Variants in AGBL1 observed in about 807,000 individuals in gnomAD.
AGBL1 encodes the protein AGBL carboxypeptidase 1.
AGBL1 carries 130 observed loss-of-function variants against 118.9 expected under a neutral mutation model. The ratio of observed to expected loss-of-function variants is 1.09; its 90% CI spans 0.95 to 1.26. AGBL1 has a LOEUF of 1.26. Among genes scored for constraint, AGBL1 ranks in the 50% most tolerant of loss-of-function variants. The probability of loss-of-function intolerance (pLI) is 0.00; values close to 1 mark genes in which losing one functional copy is unlikely to be tolerated. For missense variants in AGBL1, 1,584 were observed against 1,298.1 expected (o/e 1.22, Z -3.38); for synonymous variants, 555 against 478.9 (o/e 1.16, Z -2.08).
chr15:86,297,525 C>T (rs2079664828), intron 17 of AGBL1, among the ~76,000 whole-genome samples: 1 of 152,224 alleles, frequency 6.6e-6, no homozygotes, highest in Non-Finnish European at 1.5e-5. Flanking sequence ...CTGCAAATTA[C>T]ATAGCTGGTC....
At chr15:86,813,114 G>A (rs1228824176) in intron 22 of AGBL1, among the ~76,000 whole-genome samples, 1 of 152,062 alleles carries the variant, frequency 6.6e-6, no homozygotes, top group Non-Finnish European at 1.5e-5. Context: ...GGGAAGATGA[G>A]GGAGTGCGTA....
chr15:86,751,904 G>T (rs1032715584), intron 22 of AGBL1, among the ~76,000 whole-genome samples: 4 of 152,004 alleles, frequency 2.6e-5, no homozygotes, highest in Non-Finnish European at 4.4e-5. Flanking sequence ...TTAATCACAG[G>T]TCCCAGAATT....
Position 86,910,545 on chromosome 15 carries a change from G to A in AGBL1, c.*3251G>A, listed in dbSNP as rs1329666952. The A allele has an allele frequency of 6.6e-6, 1 of 152,202 alleles. No individual in the cohort carries two copies. Among genetic ancestry groups the A allele is most frequent in the Non-Finnish European group, 1.5e-5 (1 of 68,050 alleles). 9.4% of individuals were successfully genotyped at this position (152,202 alleles called of 1,614,324 possible). ...GCTGAGGGTTTGGTGCTCCTGCTAT[G>A]CTGGTTGTTCAGTAGTTTGAGGAGT... is the stretch of plus-strand genomic sequence containing the variant. On this transcript the variant is annotated 3_prime_UTR_variant, in exon 23 of 23. Transcript: ENST00000614907.
intron 5 of AGBL1, among the ~76,000 whole-genome samples, chr15:86,208,168 G>A (rs538367171): frequency 2.6e-5 from 4 of 152,180 alleles, no homozygotes; most frequent in Non-Finnish European, 4.4e-5. Context: ...CAGGAATGAA[G>A]CCTACTTGAT....
intron 22 of AGBL1, among the ~76,000 whole-genome samples, chr15:86,769,176 G>GGA (rs545514274): frequency 1.5e-5 from 1 of 66,618 alleles, no homozygotes; most frequent in Admixed American, 1.5e-4. Context: ...ATTTTGAGAG[G>GGA]GAGAGAGAGA....
chr15:86,539,828 G>T (rs961157666), intron 19 of AGBL1, among the ~76,000 whole-genome samples: 2 of 152,196 alleles, frequency 1.3e-5, no homozygotes, highest in African/African-American at 4.8e-5. Flanking sequence ...CCCCCTGGAA[G>T]TGTGCAACTG....
intron 22 of AGBL1, among the ~76,000 whole-genome samples, chr15:86,746,786 C>T (rs1350934490): frequency 6.6e-6 from 1 of 152,002 alleles, no homozygotes; most frequent in East Asian, 1.9e-4. Flanking sequence ...CTAAAGACTT[C>T]AGTCTATTGG....
intron 17 of AGBL1, among the ~76,000 whole-genome samples, chr15:86,318,209 A>G (rs1192000623): frequency 1.3e-5 from 2 of 152,220 alleles, no homozygotes; most frequent in African/African-American, 4.8e-5. Context: ...CATGAGTCAT[A>G]TTACATATAC....
chr15:86,875,234 C>G (rs2079790813), intron 22 of AGBL1, among the ~76,000 whole-genome samples: 1 of 152,190 alleles, frequency 6.6e-6, no homozygotes, highest in South Asian at 2.1e-4. Context: ...TCAGGGCAGG[C>G]ACTTCATCAT....
intron 22 of AGBL1, among the ~76,000 whole-genome samples, chr15:86,859,200 T>C (rs896378587): frequency 4.6e-5 from 7 of 152,302 alleles, no homozygotes; most frequent in South Asian, 2.1e-4. Context: ...GATAAATCCA[T>C]AGATGGATGT....
chr15:86,738,009 G>T (rs1324481088), intron 22 of AGBL1, among the ~76,000 whole-genome samples: 1 of 152,050 alleles, frequency 6.6e-6, no homozygotes, highest in Non-Finnish European at 1.5e-5. Context: ...AAATAAATGT[G>T]ATATATCACA....
chr15:86,987,516 C>T (rs967860202), intron 23 of AGBL1, among the ~76,000 whole-genome samples: 2 of 152,034 alleles, frequency 1.3e-5, no homozygotes, highest in Non-Finnish European at 2.9e-5. Flanking sequence ...CCAAGTCCTC[C>T]TTTTATATTA....
At chr15:86,513,194 T>G (rs956915386) in intron 18 of AGBL1, among the ~76,000 whole-genome samples, 2 of 152,022 alleles carry the variant, frequency 1.3e-5, no homozygotes, top group Non-Finnish European at 2.9e-5. Context: ...ATATTGCATT[T>G]AGTAGTTGTG....
intron 22 of AGBL1, among the ~76,000 whole-genome samples, chr15:86,765,199 T>C (rs1253380267): frequency 1.3e-5 from 2 of 152,014 alleles, no homozygotes; most frequent in Non-Finnish European, 2.9e-5. Context: ...TGTATTTTTA[T>C]GACAGTGGAA....
At chr15:86,598,891 C>G (rs2084449110) in intron 21 of AGBL1, among the ~76,000 whole-genome samples, 1 of 152,152 alleles carries the variant, frequency 6.6e-6, no homozygotes, top group African/African-American at 2.4e-5. Flanking sequence ...AACAAGAAAT[C>G]TGAAAATGGA....
intron 21 of AGBL1, among the ~76,000 whole-genome samples, chr15:86,617,081 TTCC>T (rs2084738755): frequency 6.6e-6 from 1 of 152,208 alleles, no homozygotes; most frequent in Admixed American, 6.5e-5. Context: ...TAAAAATCTA[TTCC>T]TCAAGTCCCT....
intron 22 of AGBL1, among the ~76,000 whole-genome samples, chr15:86,708,257 T>A (rs2086488979): frequency 6.6e-6 from 1 of 152,036 alleles, no homozygotes; most frequent in Non-Finnish European, 1.5e-5. Context: ...GTAACTGAGA[T>A]TAAATGAGAT....
At chr15:86,872,649 A>C (rs146810150) in intron 22 of AGBL1, among the ~76,000 whole-genome samples, 68 of 152,246 alleles carry the variant, frequency 4.5e-4, no homozygotes, top group Non-Finnish European at 9.6e-4. Flanking sequence ...CCAGCTACTC[A>C]GGAGGCTGAG....
At chr15:86,804,641 G>A (rs1420154487) in intron 22 of AGBL1, among the ~76,000 whole-genome samples, 1 of 152,148 alleles carries the variant, frequency 6.6e-6, no homozygotes, top group Non-Finnish European at 1.5e-5. Flanking sequence ...TCTGGCCCAA[G>A]ACACACCTCA....
Sources: allele counts gnomAD v4.1 joint callset (sites outside exome capture counted in the v4.1 genomes callset), GRCh38; gene constraint gnomAD v4.1.1; transcripts MANE v1.5; gene names NCBI Gene and HGNC (gene_info 2026-07-23, HGNC 2026-07-21).